The following PLAAT2 variants were observed in gnomAD, a reference collection of about 807,000 sequenced individuals.
PLAAT2 encodes the protein phospholipase A and acyltransferase 2, also known as HRAS like suppressor 2.
A neutral mutation model predicts 12.8 loss-of-function variants in PLAAT2; 12 were observed. The observed-to-expected ratio is 0.94, with a 90% CI of 0.60 to 1.52. The LOEUF (loss-of-function observed/expected upper bound fraction) is 1.52. Ranked by LOEUF, PLAAT2 falls within the 40% of genes most tolerant of loss-of-function variation. The pLI is 0.00. For missense variants in PLAAT2, 166 were observed against 208.1 expected (o/e 0.80, Z 1.24); for synonymous variants, 79 against 86.8 (o/e 0.91, Z 0.50).
At chr11:63,556,149 TAC>T (rs1281798348) in intron 3 of PLAAT2, among the ~76,000 whole-genome samples, 9 of 152,100 alleles carry the variant, frequency 5.9e-5, no homozygotes, top group African/African-American at 2.2e-4. Flanking sequence ...TCCACTTTCT[TAC>T]AGAGCAAGAG....
upstream of PLAAT2, among the ~76,000 whole-genome samples, chr11:63,563,692 TG>T (rs2017539146): frequency 8.9e-6 from 1 of 112,844 alleles, no homozygotes; most frequent in Admixed American, 1.3e-4. Context: ...CACTCTAGCC[TG>T]GGCGGCAGGG....
At chr11:63,557,317 G>A (rs1033988824) in intron 3 of PLAAT2, among the ~76,000 whole-genome samples, 23 of 152,126 alleles carry the variant, frequency 1.5e-4, no homozygotes, top group African/African-American at 4.8e-4. Flanking sequence ...CTTGAGCCCA[G>A]GAGTTCAAGA....
chr11:63,553,102 A>G (rs773163585), intron 3 of PLAAT2, 37 bp from the exon 4 acceptor site: 6 of 1,360,430 alleles, frequency 4.4e-6, no homozygotes, highest in African/African-American at 4.3e-5. Flanking sequence ...ACTCAGCATC[A>G]GGGCGGGACC....
At chr11:63,553,195 T>C in intron 3 of PLAAT2, 130 bp from the exon 4 acceptor site, 1 of 609,954 alleles carries the variant, frequency 1.6e-6, no homozygotes, top group Middle Eastern at 3.9e-4. Flanking sequence ...AGGGAACAAA[T>C]ATTGGCTGGG....
chr11:63,557,873 C>T (rs2017479593), intron 3 of PLAAT2, among the ~76,000 whole-genome samples: 1 of 152,168 alleles, frequency 6.6e-6, no homozygotes, highest in South Asian at 2.1e-4. Context: ...CTGGTAATCT[C>T]CAGCTCATTT....
chr11:63,558,819 C>T (rs1011031559), intron 2 of PLAAT2, among the ~76,000 whole-genome samples, 159 bp from the exon 3 acceptor site: 8 of 152,226 alleles, frequency 5.3e-5, no homozygotes, highest in African/African-American at 1.9e-4. Flanking sequence ...AGACCCAAGC[C>T]TGGGTGACTT....
Position 63,561,825 on chromosome 11 carries a change from G to T in PLAAT2, c.9+1491C>A, listed in dbSNP as rs369591509. Among the ~76,000 whole-genome samples, 82 of 151,742 alleles carry T rather than the reference G, an allele frequency of 5.4e-4. 1 individual carries two copies. The South Asian group carries it at 0.017, about 31-fold the overall frequency. On this transcript the variant is annotated intron_variant, in intron 1 of 3. Coordinates refer to ENST00000255695, the MANE Select transcript of PLAAT2 (RefSeq NM_017878.2). The stretch of plus-strand genomic sequence containing the variant: ...AAAAGTAAAGCCTTTGACTAGAGGG[G>T]TCAAGAGTCAACTTGACCAAATAAG...
intron 3 of PLAAT2, among the ~76,000 whole-genome samples, chr11:63,557,926 G>C (rs993151567): frequency 6.6e-6 from 1 of 152,290 alleles, no homozygotes; most frequent in East Asian, 1.9e-4. Flanking sequence ...CTGGGCTCGG[G>C]TGTGACCTCT....
chr11:63,559,912 T>C (rs557582405), intron 2 of PLAAT2, among the ~76,000 whole-genome samples, 173 bp downstream of exon 2: 2 of 152,308 alleles, frequency 1.3e-5, no homozygotes, highest in Admixed American at 6.5e-5. Context: ...ACCAATTTAC[T>C]GCAAAAGAAG....
chr11:63,553,608 C>T (rs1220044791), intron 3 of PLAAT2, among the ~76,000 whole-genome samples: 1 of 152,164 alleles, frequency 6.6e-6, no homozygotes, highest in Non-Finnish European at 1.5e-5. Context: ...CAAGATTGCA[C>T]CACTGCATTC....
Position 63,558,576 on chromosome 11 carries a change from ACC to A in PLAAT2, c.201_202del (p.Val68GlyfsTer10). 3 of 1,614,188 alleles carry A rather than the reference ACC, an allele frequency of 1.9e-6. No homozygotes were observed. The highest frequency in any genetic ancestry group is 2.5e-6 in the Non-Finnish European group (3 of 1,180,038). On this transcript the variant is annotated frameshift_variant, in exon 3 of 4. Transcript: ENST00000255695. LOFTEE classifies it high-confidence loss of function. ...GACCCTGTAGTTGTCTCCCCCAGCC[ACC>A]ACAGACAGCAGTTCCTTCTTCACTA...
At chr11:63,562,828 C>T (rs1480003044) in intron 1 of PLAAT2, among the ~76,000 whole-genome samples, 1 of 152,210 alleles carries the variant, frequency 6.6e-6, no homozygotes, top group Non-Finnish European at 1.5e-5. Flanking sequence ...GAGGGACTGG[C>T]CCTGCCTGGA....
Position 63,553,058 on chromosome 11 carries a change from C to T in PLAAT2, c.395G>A (p.Gly132Asp), listed in dbSNP as rs768279949. The change falls in exon 4 of 4, where the codon GGT becomes GAT. Residue 132 changes from glycine to aspartate, a missense_variant. Coordinates refer to ENST00000255695, the MANE Select transcript of PLAAT2 (RefSeq NM_017878.2). Reference protein sequence around the residue: ...YGVSRSDQVTGAVTTVGVAAG... With the variant: ...YGVSRSDQVTDAVTTVGVAAG... The stretch of plus-strand genomic sequence containing the variant: ...TGCCACACCTACTGTCGTGACTGCA[C>T]CAGTGACCTGCAGCAGAAGAGAAGG... The T allele has an allele frequency of 1.1e-5, 18 of 1,610,560 alleles. No individual in the cohort carries two copies. Among genetic ancestry groups the T allele is most frequent in the Non-Finnish European group, 1.4e-5 (17 of 1,177,378 alleles).
chr11:63,556,012 C>T (rs748854614), intron 3 of PLAAT2, among the ~76,000 whole-genome samples: 3 of 152,156 alleles, frequency 2.0e-5, no homozygotes, highest in Admixed American at 6.5e-5. Flanking sequence ...AGGCATTTAT[C>T]GGGGGGCTAG....
At chr11:63,554,053 G>C (rs994748762) in intron 3 of PLAAT2, among the ~76,000 whole-genome samples, 1 of 151,872 alleles carries the variant, frequency 6.6e-6, no homozygotes, top group African/African-American at 2.4e-5. Context: ...TGGTGTGCTC[G>C]GCACAGCTTT....
intron 1 of PLAAT2, 36 bp from the exon 2 acceptor site, chr11:63,560,229 C>A (rs747291374): frequency 6.6e-7 from 1 of 1,515,136 alleles, no homozygotes. Flanking sequence ...CAGAGGTGAG[C>A]CATCTGCAGG....
At chr11:63,563,456 C>A, upstream of PLAAT2, 1 of 1,051,180 alleles carries the variant, frequency 9.5e-7, no homozygotes, top group South Asian at 1.4e-5. Flanking sequence ...CGGTGGCTCA[C>A]ACCTGTAATC....
At chr11:63,563,600 T>C (rs2017538025), upstream of PLAAT2, among the ~76,000 whole-genome samples, 1 of 96,102 alleles carries the variant, frequency 1.0e-5, no homozygotes, top group South Asian at 4.2e-4. Flanking sequence ...GCACCTGTAG[T>C]CCCAGCTACT....
chr11:63,554,178 G>T, intron 3 of PLAAT2, among the ~76,000 whole-genome samples: 1 of 109,784 alleles, frequency 9.1e-6, no homozygotes, highest in Non-Finnish European at 1.8e-5. Flanking sequence ...GTGGGGGGTG[G>T]GGGTGAAAAC....
Sources: allele counts gnomAD v4.1 joint callset (sites outside exome capture counted in the v4.1 genomes callset), GRCh38; gene constraint gnomAD v4.1.1; transcripts MANE v1.5; gene names NCBI Gene and HGNC (gene_info 2026-07-23, HGNC 2026-07-21).